The following MPPE1 variants were observed in gnomAD, a reference collection of about 807,000 sequenced individuals.
MPPE1 encodes the protein metallo phosphoesterase.
Under a neutral mutation model 43.8 loss-of-function variants are expected in MPPE1, and 28 were observed. The observed-to-expected ratio is 0.64, with a 90% CI of 0.47 to 0.88. The LOEUF (loss-of-function observed/expected upper bound fraction) is 0.88, where lower values mean the gene tolerates loss of function less well. MPPE1 is among the 40% of genes least tolerant of loss of function. MPPE1 has a pLI of 0.00. For synonymous variants in MPPE1, 159 were observed against 188.5 expected (o/e 0.84, Z 1.28); for missense variants, 428 against 492.2 (o/e 0.87, Z 1.23).
In MPPE1 at chr18:11,889,508, A is replaced by C. The variant is rs188124798; in HGVS notation, c.391-18T>G. On this transcript the variant is annotated intron_variant, in intron 4 of 10. Transcript: ENST00000588072. ...GCCCAGGCCTGAGGGAAAAAGAATC[A>C]CTGCTGAGAGCCAGAGAACCATCTC... The C allele has an allele frequency of 6.3e-7, 1 of 1,582,058 alleles. No homozygotes were observed. Among genetic ancestry groups the C allele is most frequent in the Non-Finnish European group, 8.6e-7 (1 of 1,157,470 alleles).
intron 3 of MPPE1, among the ~76,000 whole-genome samples, chr18:11,895,694 G>A (rs1194910352): frequency 2.6e-5 from 4 of 151,986 alleles, no homozygotes; most frequent in Non-Finnish European, 4.4e-5. Flanking sequence ...GACTACAAGC[G>A]GGCATAAAGA....
chr18:11,896,873 T>C, intron 3 of MPPE1, 111 bp downstream of exon 3: 3 of 991,976 alleles, frequency 3.0e-6, no homozygotes, highest in Non-Finnish European at 4.4e-6. Flanking sequence ...TGTCCTCCTT[T>C]GAGAGGAAAA....
rs148110550 is a variant in MPPE1, at chr18:11,903,430, AC to A, written c.-93+2772del. 7.4e-3 allele frequency among the ~76,000 whole-genome samples: 1,126 copies of A among 152,264 alleles called. 8 individuals are homozygous for A. The highest frequency in any genetic ancestry group is 0.026 in the African/African-American group (1,070 of 41,560). ...AGGGCACTGTGCATGCAGGCAGCCC[AC>A]CCTAAGGGATGAATCATGGAGAAGG... On this transcript the variant is annotated intron_variant, in intron 2 of 10. Coordinates refer to ENST00000588072, the MANE Select transcript of MPPE1 (RefSeq NM_023075.6).
intron 10 of MPPE1, 192 bp downstream of exon 10, chr18:11,885,484 C>A: frequency 1.5e-6 from 1 of 661,152 alleles, no homozygotes; most frequent in Non-Finnish European, 2.6e-6. Context: ...ATTAACTGCC[C>A]AGGAATGTCA....
At chr18:11,890,330 AC>A (rs2144312270) in intron 4 of MPPE1, among the ~76,000 whole-genome samples, 2 of 151,800 alleles carry the variant, frequency 1.3e-5, no homozygotes, top group Non-Finnish European at 2.9e-5. Context: ...TTTTTTTGAG[AC>A]AGGGTCTCAC....
At chr18:11,892,169 A>C (rs893415242) in intron 4 of MPPE1, among the ~76,000 whole-genome samples, 8 of 149,998 alleles carry the variant, frequency 5.3e-5, no homozygotes, top group African/African-American at 2.0e-4. Flanking sequence ...GTGAAACCCC[A>C]TCTCTACTAA....
At chr18:11,899,576 A>T (rs1242382759) in intron 2 of MPPE1, among the ~76,000 whole-genome samples, 1 of 152,164 alleles carries the variant, frequency 6.6e-6, no homozygotes, top group Non-Finnish European at 1.5e-5. Flanking sequence ...GAGATAGGCT[A>T]TAAATGGTGG....
intron 2 of MPPE1, among the ~76,000 whole-genome samples, chr18:11,901,568 C>A (rs1320953188): frequency 6.6e-6 from 1 of 151,662 alleles, no homozygotes; most frequent in Non-Finnish European, 1.5e-5. Flanking sequence ...TGGCCTGGCA[C>A]AGTGGCTCAC....
intron 2 of MPPE1, among the ~76,000 whole-genome samples, chr18:11,899,334 T>G (rs759577215): frequency 6.6e-6 from 1 of 152,246 alleles, no homozygotes; most frequent in Non-Finnish European, 1.5e-5. Flanking sequence ...ATATGAATAT[T>G]GAGTACTGCA....
intron 4 of MPPE1, among the ~76,000 whole-genome samples, chr18:11,889,741 T>C (rs1289352330): frequency 1.3e-5 from 2 of 151,420 alleles, no homozygotes; most frequent in Non-Finnish European, 2.9e-5. Flanking sequence ...TTATTTTGTG[T>C]GTGTGTATTT....
At chr18:11,895,855 C>T (rs984853888) in intron 3 of MPPE1, among the ~76,000 whole-genome samples, 1 of 151,940 alleles carries the variant, frequency 6.6e-6, no homozygotes, top group Non-Finnish European at 1.5e-5. Context: ...TGAAGCACTG[C>T]ACCCAGCTTC....
intron 3 of MPPE1, among the ~76,000 whole-genome samples, chr18:11,895,804 GTTC>G (rs905872985): frequency 2.0e-5 from 3 of 151,870 alleles, no homozygotes; most frequent in African/African-American, 7.3e-5. Context: ...GCCTCAAGCA[GTTC>G]TTCACCTCCA....
rs557109438 is a variant in MPPE1, at chr18:11,886,922, G to A, written c.673C>T (p.Arg225Ter). 1.2e-4 allele frequency: 191 copies of A among 1,611,878 alleles called. 1 individual carries two copies. The South Asian group carries it at 2.0e-3, about 17-fold the overall frequency. Residue 225 changes from arginine to a stop codon, truncating the protein, a stop_gained, in exon 7 of 11, where the codon CGA becomes TGA. Coordinates refer to ENST00000588072, the MANE Select transcript of MPPE1 (RefSeq NM_023075.6). LOFTEE classifies it high-confidence loss of function. The surrounding 1 kb of genome is among the most constrained non-coding windows in gnomAD (Gnocchi z 4.1). The stretch of plus-strand genomic sequence containing the variant: ...GCATTCAGATGCTCTCCTACCTCTC[G>A]GGAGCAGTTCAGTCTGTGAGAAACT... ...IEVSHRLNCS[R>*]EARGSSRCGP...
At chr18:11,887,950 G>A (rs2037525569) in intron 6 of MPPE1, among the ~76,000 whole-genome samples, 1 of 152,332 alleles carries the variant, frequency 6.6e-6, no homozygotes, top group African/African-American at 2.4e-5. Flanking sequence ...CTCACCTGCA[G>A]ACCTGCTGTG....
At chr18:11,901,424 T>C (rs1471720623) in intron 2 of MPPE1, among the ~76,000 whole-genome samples, 1 of 151,606 alleles carries the variant, frequency 6.6e-6, no homozygotes. Flanking sequence ...AGAGATGGAG[T>C]TTCACCACAT....
At position 11,886,554 on chromosome 18, in the gene MPPE1, C is replaced by CT. The variant is rs1339857064; in HGVS notation, c.811dup (p.Arg271LysfsTer6). The CT allele has an allele frequency of 6.2e-7, 1 of 1,614,192 alleles. No individual in the cohort carries two copies. Among genetic ancestry groups the CT allele is most frequent in the Admixed American group, 1.7e-5 (1 of 60,024 alleles). On this transcript the variant is annotated frameshift_variant, in exon 9 of 11. Transcript: ENST00000588072. LOFTEE classifies it high-confidence loss of function. This position sits in a 1 kb window ranked among gnomAD's most constrained non-coding sequence, Gnocchi z 4.1. ...ATAGTTCTCCTTAAATGGGATGTCCCTTTCCTCTGCAGGAGCAGCGTCTTC... is the reference window on the plus strand; with the variant it reads ...ATAGTTCTCCTTAAATGGGATGTCCCTTTTCCTCTGCAGGAGCAGCGTCTTC...
chr18:11,907,312 C>T (rs2039813692), intron 1 of MPPE1, among the ~76,000 whole-genome samples: 1 of 152,184 alleles, frequency 6.6e-6, no homozygotes, highest in African/African-American at 2.4e-5. Flanking sequence ...GACCCACCCA[C>T]CTCCTCAGCT....
intron 2 of MPPE1, among the ~76,000 whole-genome samples, chr18:11,898,182 C>G (rs537319724): frequency 6.6e-6 from 1 of 152,200 alleles, no homozygotes; most frequent in Non-Finnish European, 1.5e-5. Context: ...GATTCTCATG[C>G]CTCGGCCTCC....
intron 2 of MPPE1, among the ~76,000 whole-genome samples, chr18:11,903,737 C>T (rs1452280421): frequency 3.3e-5 from 5 of 152,092 alleles, no homozygotes; most frequent in African/African-American, 7.2e-5. Flanking sequence ...ACCCAGGAGG[C>T]GGAGCTTGCA....
Sources: allele counts gnomAD v4.1 joint callset (sites outside exome capture counted in the v4.1 genomes callset), GRCh38; gene constraint gnomAD v4.1.1; non-coding constraint Gnocchi (gnomAD v3.1); transcripts MANE v1.5; gene names NCBI Gene and HGNC (gene_info 2026-07-23, HGNC 2026-07-21).